The following A1CF variants were observed in gnomAD, a reference collection of about 807,000 sequenced individuals.
A1CF encodes the protein APOBEC1 complementation factor.
A neutral mutation model predicts 68.9 loss-of-function variants in A1CF; 48 were observed. That is an observed-to-expected ratio of 0.70 (90% CI 0.55 to 0.89). A1CF has a LOEUF of 0.89. A1CF is among the 40% of genes least tolerant of loss of function. The pLI, the probability that A1CF is intolerant of heterozygous loss-of-function variation, is 0.00. For missense variants in A1CF, 653 were observed against 718.9 expected (o/e 0.91, Z 1.05); for synonymous variants, 272 against 260.4 (o/e 1.04, Z -0.43).
At chr10:50,810,311 T>C (rs1000891421) in intron 11 of A1CF, among the ~76,000 whole-genome samples, 1 of 152,202 alleles carries the variant, frequency 6.6e-6, no homozygotes, top group African/African-American at 2.4e-5. Flanking sequence ...AAACAAATTG[T>C]TCCTAAAATA....
intron 1 of A1CF, among the ~76,000 whole-genome samples, chr10:50,878,232 T>A (rs546872403): frequency 6.6e-6 from 1 of 152,238 alleles, no homozygotes; most frequent in Non-Finnish European, 1.5e-5. Context: ...CTAAGCCACC[T>A]CATTCTACTT....
chr10:50,836,061 G>T lies in A1CF; in HGVS notation c.604+13C>A, dbSNP rs751574393. The T allele has an allele frequency of 1.3e-6, 2 of 1,584,634 alleles. No individual in the cohort carries two copies. The highest frequency in any genetic ancestry group is 1.7e-6 in the Non-Finnish European group (2 of 1,164,748). ...GGCAGAGAAGTCTCATCTTTGAGGA[G>T]GGGATTGCTAACCTGGTAGCAGTTT... On this transcript the variant is annotated intron_variant, in intron 6 of 12. Coordinates refer to ENST00000373997, the MANE Select transcript of A1CF (RefSeq NM_014576.4).
In A1CF at chr10:50,820,788, A is replaced by G. The variant is rs997226449; in HGVS notation, c.770-139T>C. 2.0e-5 allele frequency: 11 copies of G among 548,756 alleles called. No individual in the cohort carries two copies. In the Admixed American group the frequency reaches 2.2e-4, roughly 11 times the overall value. The allele number at this position is 548,756 out of a possible 1,614,324, so 34.0% of individuals were successfully genotyped here. On this transcript the variant is annotated intron_variant, in intron 7 of 12. Transcript: ENST00000373997. ...TTTAAGTAAGGATCTCATCAAGAAC[A>G]TTCAACAGAAGATTTTTTTTGCAGT...
At chr10:50,829,836 G>A (rs12260553) in intron 6 of A1CF, among the ~76,000 whole-genome samples, 7,802 of 152,246 alleles carry the variant, frequency 0.051, 638 homozygotes, top group African/African-American at 0.17. Context: ...GTTCCACCCA[G>A]TGATGTACTA....
chr10:50,834,798 T>C (rs1416379297), intron 6 of A1CF, among the ~76,000 whole-genome samples: 2 of 152,168 alleles, frequency 1.3e-5, no homozygotes, highest in African/African-American at 4.8e-5. Context: ...AAAGCAGAGC[T>C]GGGAGAATAA....
chr10:50,882,419 A>G (rs1841823053), intron 1 of A1CF, among the ~76,000 whole-genome samples: 1 of 152,084 alleles, frequency 6.6e-6, no homozygotes, highest in Non-Finnish European at 1.5e-5. Flanking sequence ...AGGCAACAGA[A>G]CGATACTCCA....
At chr10:50,834,905 G>A (rs1839416394) in intron 6 of A1CF, among the ~76,000 whole-genome samples, 1 of 152,066 alleles carries the variant, frequency 6.6e-6, no homozygotes, top group African/African-American at 2.4e-5. Context: ...CTTTTCAATG[G>A]TACAGTTGTC....
intron 6 of A1CF, among the ~76,000 whole-genome samples, chr10:50,831,339 A>C (rs1839226991): frequency 6.6e-6 from 1 of 152,240 alleles, no homozygotes; most frequent in Non-Finnish European, 1.5e-5. Flanking sequence ...AATGGGAAAA[A>C]AATATTTACA....
Position 50,821,597 on chromosome 10 carries a change from G to A in A1CF, c.770-948C>T, listed in dbSNP as rs184952125. Among the ~76,000 whole-genome samples the A allele has an allele frequency of 3.0e-3, 450 of 151,690 alleles. 2 individuals carry two copies. The highest frequency in any genetic ancestry group is 4.6e-3 in the Non-Finnish European group (312 of 67,936). On this transcript the variant is annotated intron_variant, in intron 7 of 12. Transcript: ENST00000373997. ...GTTGCCCAGGCTAGAGTGCAATGGCGTGATCTCAGCTCACCGCAACCCACC... is the reference window on the plus strand; with the variant it reads ...GTTGCCCAGGCTAGAGTGCAATGGCATGATCTCAGCTCACCGCAACCCACC...
intron 1 of A1CF, among the ~76,000 whole-genome samples, chr10:50,881,844 T>C (rs1368745229): frequency 6.6e-6 from 1 of 152,196 alleles, no homozygotes; most frequent in African/African-American, 2.4e-5. Context: ...TATTAGTATT[T>C]CTCTCTTAAT....
chr10:50,809,784 C>G (rs1306094096), intron 12 of A1CF, 110 bp downstream of exon 12: 1 of 1,483,298 alleles, frequency 6.7e-7, no homozygotes, highest in African/African-American at 1.4e-5. Flanking sequence ...TTGTGCAAGT[C>G]AGATTGCTGT....
chr10:50,848,419 T>C (rs1274317022), intron 3 of A1CF, among the ~76,000 whole-genome samples: 6 of 152,222 alleles, frequency 3.9e-5, no homozygotes, highest in African/African-American at 1.4e-4. Context: ...TGATTATTCT[T>C]CTCAGGCTTA....
At chr10:50,833,268 C>T (rs978083107) in intron 6 of A1CF, among the ~76,000 whole-genome samples, 1 of 152,242 alleles carries the variant, frequency 6.6e-6, no homozygotes, top group Non-Finnish European at 1.5e-5. Flanking sequence ...GTTGTAAATG[C>T]GAATTACCTG....
chr10:50,837,171 G>A (rs1839541738), intron 5 of A1CF, among the ~76,000 whole-genome samples: 4 of 152,120 alleles, frequency 2.6e-5, no homozygotes, highest in Admixed American at 6.5e-5. Flanking sequence ...CTGTGAGATC[G>A]GCAGAGTAGA....
intron 7 of A1CF, among the ~76,000 whole-genome samples, chr10:50,821,558 G>A (rs1838675846): frequency 1.3e-5 from 2 of 150,044 alleles, no homozygotes; most frequent in Admixed American, 6.6e-5. Flanking sequence ...TTTTTCAGAC[G>A]GAGTTTTGCT....
intron 3 of A1CF, among the ~76,000 whole-genome samples, chr10:50,855,314 G>T (rs892512693): frequency 6.6e-6 from 1 of 151,784 alleles, no homozygotes; most frequent in Non-Finnish European, 1.5e-5. Flanking sequence ...GTAGAGAAAA[G>T]AATCCCCACA....
chr10:50,851,869 C>A (rs1443153891), intron 3 of A1CF, among the ~76,000 whole-genome samples: 1 of 152,160 alleles, frequency 6.6e-6, no homozygotes, highest in Admixed American at 6.5e-5. Context: ...CTGCTGAAAT[C>A]CTATACAAAT....
intron 8 of A1CF, among the ~76,000 whole-genome samples, chr10:50,818,764 C>A (rs1470076512): frequency 1.3e-5 from 2 of 152,120 alleles, no homozygotes; most frequent in Non-Finnish European, 2.9e-5. Context: ...TTTCTCCACC[C>A]CACCCTCCAG....
At chr10:50,867,965 C>G (rs1564531507) in intron 1 of A1CF, among the ~76,000 whole-genome samples, 1 of 152,160 alleles carries the variant, frequency 6.6e-6, no homozygotes, top group Non-Finnish European at 1.5e-5. Context: ...CTATTTCTGA[C>G]TTGGTAAGCA....
Sources: allele counts gnomAD v4.1 joint callset (sites outside exome capture counted in the v4.1 genomes callset), GRCh38; gene constraint gnomAD v4.1.1; transcripts MANE v1.5; gene names NCBI Gene and HGNC (gene_info 2026-07-23, HGNC 2026-07-21).